CHID1: variants seen among roughly 807,000 people sequenced by gnomAD.
CHID1 encodes chitinase domain-containing protein 1.
CHID1 carries 44 observed loss-of-function variants against 55.4 expected under a neutral mutation model. That is an observed-to-expected ratio of 0.79 (90% CI 0.62 to 1.02). The LOEUF (loss-of-function observed/expected upper bound fraction) is 1.02, where lower values mean the gene tolerates loss of function less well. CHID1 is among the 50% of genes least tolerant of loss of function. The pLI, the probability that CHID1 is intolerant of heterozygous loss-of-function variation, is 0.00. For missense variants in CHID1, 491 were observed against 515.3 expected (o/e 0.95, Z 0.46); for synonymous variants, 216 against 212.9 (o/e 1.01, Z -0.13).
chr11:897,846 C>T (rs1038525257), intron 7 of CHID1, among the ~76,000 whole-genome samples: 25 of 151,078 alleles, frequency 1.7e-4, no homozygotes, highest in Non-Finnish European at 4.4e-5. Flanking sequence ...GGGGTGCTGG[C>T]GGAGGGTGTG....
At chr11:908,752 T>C (rs1260323452) in intron 1 of CHID1, 1 of 258,820 alleles carries the variant, frequency 3.9e-6, no homozygotes, top group Admixed American at 6.5e-5. Context: ...GACCAACCAC[T>C]ATAGGGCTGG....
chr11:891,838 G>A (rs555580218), intron 8 of CHID1, among the ~76,000 whole-genome samples: 5 of 151,610 alleles, frequency 3.3e-5, no homozygotes, highest in East Asian at 1.9e-4. Flanking sequence ...GCCTTACATC[G>A]GAAAAGGCTG....
At chr11:887,657 G>A (rs1225889172) in intron 8 of CHID1, among the ~76,000 whole-genome samples, 1 of 152,156 alleles carries the variant, frequency 6.6e-6, no homozygotes, top group African/African-American at 2.4e-5. Context: ...CTCTGCAGGG[G>A]CCTGTCCCAC....
intron 10 of CHID1, chr11:882,838 G>A (rs563401660): frequency 7.6e-5 from 23 of 301,428 alleles, no homozygotes; most frequent in African/African-American, 4.9e-4. Flanking sequence ...ATTCAACCCA[G>A]GAGGCCCCGG....
upstream of CHID1, chr11:911,551 C>G (rs1224796939): frequency 1.3e-5 from 2 of 152,288 alleles, no homozygotes; most frequent in African/African-American, 4.8e-5. Flanking sequence ...GGGCCCCACC[C>G]TGCCCCGCTC....
At chr11:911,091 T>C (rs1852657093), upstream of CHID1, 1 of 151,766 alleles carries the variant, frequency 6.6e-6, no homozygotes, top group African/African-American at 2.4e-5. Flanking sequence ...GCCACGGCTC[T>C]TAGGCAGGCC....
At position 884,114 on chromosome 11, in the gene CHID1, G is replaced by T; in HGVS notation, c.757C>A (p.Leu253Met). 1 of 1,614,198 alleles carries T rather than the reference G, an allele frequency of 6.2e-7. No individual in the cohort carries two copies. The highest frequency in any genetic ancestry group is 8.5e-7 in the Non-Finnish European group (1 of 1,180,018). ...TAGGTCATGAGGCTGAAACCATCCA[G>T]CACGGGGGCCAGCTGCTCAAACTCC... ...HKEFEQLAPV[L>M]DGFSLMTYDY... Residue 253 changes from leucine (L) to methionine (M), a missense_variant, in exon 9 of 13, where the codon CTG (leucine) becomes ATG (methionine). By Grantham distance (15) the Leu-to-Met change is conservative. Coordinates refer to ENST00000323578, the MANE Select transcript of CHID1 (RefSeq NM_023947.4).
chr11:900,834 G>T, intron 5 of CHID1, 102 bp downstream of exon 5: 1 of 968,734 alleles, frequency 1.0e-6, no homozygotes, highest in Non-Finnish European at 1.5e-6. Context: ...TGCCGCAGCA[G>T]CACAGCCGGG....
At chr11:872,072 C>T (rs1368488006) in intron 10 of CHID1, among the ~76,000 whole-genome samples, 1 of 152,164 alleles carries the variant, frequency 6.6e-6, no homozygotes, top group Non-Finnish European at 1.5e-5. Flanking sequence ...GGCTGCTCTG[C>T]AGACATCAGA....
chr11:895,551 CT>C (rs2089412583), intron 7 of CHID1, among the ~76,000 whole-genome samples: 1 of 152,194 alleles, frequency 6.6e-6, no homozygotes, highest in African/African-American at 2.4e-5. Context: ...CCGAGCGCCC[CT>C]AACACAGCCC....
intron 1 of CHID1, among the ~76,000 whole-genome samples, chr11:905,983 C>A (rs978397464): frequency 6.6e-6 from 1 of 152,188 alleles, no homozygotes; most frequent in Non-Finnish European, 1.5e-5. Context: ...TCATAACATG[C>A]AAATAAATCT....
At chr11:870,576 GCT>G in intron 10 of CHID1, 77 bp from the exon 11 acceptor site, 1 of 1,083,684 alleles carries the variant, frequency 9.2e-7, no homozygotes, top group East Asian at 2.6e-5. Flanking sequence ...AAAGGCTGTG[GCT>G]CTCAGCAGGG....
chr11:900,202 C>T (rs1851706486), intron 5 of CHID1, 92 bp from the exon 6 acceptor site: 13 of 980,574 alleles, frequency 1.3e-5, no homozygotes, highest in Non-Finnish European at 1.7e-5. Flanking sequence ...TCCCCTTGGC[C>T]TCCAGAGGGA....
chr11:878,718 T>C (rs1849684510), intron 10 of CHID1, among the ~76,000 whole-genome samples: 1 of 152,136 alleles, frequency 6.6e-6, no homozygotes, highest in Admixed American at 6.5e-5. Context: ...TTTTTTTAAT[T>C]TGAGACAGAG....
intron 8 of CHID1, among the ~76,000 whole-genome samples, chr11:886,795 G>A (rs1471752060): frequency 1.3e-5 from 2 of 152,198 alleles, no homozygotes; most frequent in African/African-American, 4.8e-5. Context: ...GCCCCACATC[G>A]CTCAGGTCCT....
At position 875,589 on chromosome 11, in the gene CHID1, A is replaced by AT. The variant is rs944213492; in HGVS notation, c.960-5091dup. 1.3e-5 allele frequency among the ~76,000 whole-genome samples: 2 copies of AT among 152,186 alleles called. No individual in the cohort carries two copies. The highest frequency in any genetic ancestry group is 3.9e-4 in the East Asian group (2 of 5,172). On this transcript the variant is annotated intron_variant, in intron 10 of 12. Transcript: ENST00000323578. This position sits in a 1 kb window ranked among gnomAD's most constrained non-coding sequence, Gnocchi z 4.7. ...GAACACGGTGAGCATGAGGCCGGGG[A>AT]TCGGGGCTGGGGTTGCTGAAACTCT...
At chr11:881,697 T>G (rs577040103) in intron 10 of CHID1, among the ~76,000 whole-genome samples, 2 of 151,746 alleles carry the variant, frequency 1.3e-5, no homozygotes, top group African/African-American at 4.8e-5. Context: ...AATGGCAGGT[T>G]GGGCACAGCA....
chr11:869,725 T>C lies in CHID1; in HGVS notation c.*133A>G. 1.3e-6 allele frequency: 1 copy of C among 760,418 alleles called. No homozygotes were observed. Among genetic ancestry groups the C allele is most frequent in the South Asian group, 1.6e-5 (1 of 61,584 alleles). The allele number at this position is 760,418 out of a possible 1,614,324, so 47.1% of individuals were successfully genotyped here. A position where few individuals can be genotyped will look rare whatever the true frequency, so the allele number is the denominator to read the frequency against. ...CATGGGAGGATGGGGAGTCACATGGTGCCCAGGACCCCCGACTGAGGACTG... is the reference window on the plus strand; with the variant it reads ...CATGGGAGGATGGGGAGTCACATGGCGCCCAGGACCCCCGACTGAGGACTG... On this transcript the variant is annotated 3_prime_UTR_variant, in exon 13 of 13. Coordinates refer to ENST00000323578, the MANE Select transcript of CHID1 (RefSeq NM_023947.4).
At chr11:876,786 C>T (rs1455595636) in intron 10 of CHID1, among the ~76,000 whole-genome samples, 1 of 152,238 alleles carries the variant, frequency 6.6e-6, no homozygotes, top group Non-Finnish European at 1.5e-5. Flanking sequence ...GGAGGTGGCC[C>T]TGCTGAGCTG....
Sources: allele counts gnomAD v4.1 joint callset (sites outside exome capture counted in the v4.1 genomes callset), GRCh38; gene constraint gnomAD v4.1.1; non-coding constraint Gnocchi (gnomAD v3.1); transcripts MANE v1.5; gene names NCBI Gene and HGNC (gene_info 2026-07-23, HGNC 2026-07-21).